COL6A6: variants seen among roughly 807,000 people sequenced by gnomAD.
The protein encoded by COL6A6 is collagen alpha-6(VI) chain.
COL6A6 carries 183 observed loss-of-function variants against 208.6 expected under a neutral mutation model. The observed-to-expected ratio is 0.88, with a 90% confidence interval of 0.78 to 0.99. COL6A6 has a LOEUF of 0.99. Among genes scored for constraint, COL6A6 ranks in the 50% least tolerant of loss-of-function variants. The probability of loss-of-function intolerance (pLI) is 0.00; values close to 1 mark genes in which losing one functional copy is unlikely to be tolerated. For missense variants in COL6A6, 2,816 were observed against 2,815.2 expected (o/e 1.00, Z -0.01); for synonymous variants, 973 against 1,011.8 (o/e 0.96, Z 0.73).
In COL6A6 at chr3:130,676,579, A is replaced by T. The variant is rs1202095753; in HGVS notation, c.*1182A>T. On this transcript the variant is annotated 3_prime_UTR_variant, in exon 37 of 37. Coordinates refer to ENST00000358511, the MANE Select transcript of COL6A6 (RefSeq NM_001102608.3). ...GTCCCCCTCTTTGGGAATGGAAAGA[A>T]GCCCTGCCTGGATGCATGGAGCAGA... is the stretch of plus-strand genomic sequence containing the variant. 2 of 152,262 alleles carry T rather than the reference A, an allele frequency of 1.3e-5. No homozygotes were observed. Among genetic ancestry groups the T allele is most frequent in the East Asian group, 3.8e-4 (2 of 5,202 alleles). The allele number at this position is 152,262 out of a possible 1,614,324, so 9.4% of individuals were successfully genotyped here.
intron 1 of COL6A6, among the ~76,000 whole-genome samples, chr3:130,523,455 T>C (rs1559945361): frequency 1.3e-5 from 2 of 152,152 alleles, no homozygotes; most frequent in Non-Finnish European, 2.9e-5. Context: ...TGAAATCAGG[T>C]TCCTTACTAG....
At chr3:130,656,146 CCTCTCCT>C (rs955023782) in intron 33 of COL6A6, among the ~76,000 whole-genome samples, 3 of 152,338 alleles carry the variant, frequency 2.0e-5, no homozygotes, top group African/African-American at 4.8e-5. Context: ...TCTTCTCTCT[CCTCTCCT>C]CTCTCCTCAC....
intron 36 of COL6A6, among the ~76,000 whole-genome samples, chr3:130,673,013 A>T (rs2066259355): frequency 6.8e-6 from 1 of 146,382 alleles, no homozygotes; most frequent in South Asian, 2.2e-4. Flanking sequence ...ACCATCTCAA[A>T]AAAAAAAAAA....
rs2063430025 is a variant in COL6A6, at chr3:130,581,827, GGACCAT to G, written c.3815_3820del (p.Gly1272_Ser1274delinsAla). The G allele has an allele frequency of 1.2e-6, 2 of 1,613,354 alleles. No homozygotes were observed. The highest frequency in any genetic ancestry group is 2.7e-5 in the African/African-American group (2 of 74,926). On this transcript the variant is annotated inframe_deletion, in exon 9 of 37. Transcript: ENST00000358511. ...TAGCTTGAAGGATATAACAGTTAAA[GGACCAT>G]CTCTTCTCAATGCAAACCTCTTGGA...
intron 2 of COL6A6, 94 bp downstream of exon 2, chr3:130,560,522 CTTTGT>C: frequency 8.9e-7 from 1 of 1,129,886 alleles, no homozygotes. Context: ...TTTTGTATCA[CTTTGT>C]TTTGATTTTG....
chr3:130,526,662 G>A (rs2061968151), intron 1 of COL6A6, among the ~76,000 whole-genome samples: 1 of 152,128 alleles, frequency 6.6e-6, no homozygotes, highest in Non-Finnish European at 1.5e-5. Context: ...AACATGTTTT[G>A]AAGTACTATT....
intron 36 of COL6A6, among the ~76,000 whole-genome samples, chr3:130,673,497 G>A (rs1055117204): frequency 3.9e-5 from 6 of 152,028 alleles, no homozygotes; most frequent in African/African-American, 1.4e-4. Context: ...GTAGGGGGAC[G>A]CAGCGTGAAG....
chr3:130,557,479 A>T (rs2062792520), intron 1 of COL6A6, among the ~76,000 whole-genome samples: 1 of 152,348 alleles, frequency 6.6e-6, no homozygotes, highest in Non-Finnish European at 1.5e-5. Context: ...AATGGCTTGC[A>T]GAAAGGAAAT....
rs2064753503 is a variant in COL6A6, at chr3:130,622,394, A to G, written c.4878+511A>G. ...CTGGCATGTAATATGTGATTAGTAA[A>G]TATTGAATAAATGAATCTGTGGGTG... On this transcript the variant is annotated intron_variant, in intron 24 of 36. Coordinates refer to ENST00000358511, the MANE Select transcript of COL6A6 (RefSeq NM_001102608.3). Among the ~76,000 whole-genome samples, 4 of 152,154 alleles carry G rather than the reference A, an allele frequency of 2.6e-5. No individual in the cohort carries two copies. The South Asian group carries it at 8.3e-4, about 32-fold the overall frequency.
chr3:130,533,078 C>G (rs753363658), intron 1 of COL6A6, among the ~76,000 whole-genome samples: 3 of 152,080 alleles, frequency 2.0e-5, no homozygotes, highest in Non-Finnish European at 2.9e-5. Flanking sequence ...CTGCCACATT[C>G]TACTGATCAA....
chr3:130,521,669 T>A (rs1446728063), intron 1 of COL6A6, among the ~76,000 whole-genome samples: 1 of 152,228 alleles, frequency 6.6e-6, no homozygotes, highest in Non-Finnish European at 1.5e-5. Flanking sequence ...CTTCAAGCAC[T>A]GTGACTCTGT....
At position 130,570,915 on chromosome 3, in the gene COL6A6, T is replaced by A; in HGVS notation, c.2499T>A (p.Ile833=). 6.2e-7 allele frequency: 1 copy of A among 1,613,994 alleles called. No homozygotes were observed. The highest frequency in any genetic ancestry group is 8.5e-7 in the Non-Finnish European group (1 of 1,179,848). Residue 833 remains isoleucine (I), a synonymous_variant, in exon 7 of 37, where the codon ATT becomes ATA. Coordinates refer to ENST00000358511, the MANE Select transcript of COL6A6 (RefSeq NM_001102608.3). Reference sequence around the variant, plus strand: ...ATAATATCATGAAGGATTTTATGATTGGCTTAGTGAAAAAAGCTGATGTGG... The same window carrying A: ...ATAATATCATGAAGGATTTTATGATAGGCTTAGTGAAAAAAGCTGATGTGG... The part of the protein sequence containing the change: ...DEYNIMKDFM[I]GLVKKADVGK...
chr3:130,621,193 G>GT (rs1391302360), intron 23 of COL6A6, among the ~76,000 whole-genome samples: 6 of 151,866 alleles, frequency 4.0e-5, no homozygotes, highest in Non-Finnish European at 7.4e-5. Context: ...CTTTCTTTAG[G>GT]TTTTGCATCT....
At chr3:130,599,879 T>G in intron 20 of COL6A6, 69 bp downstream of exon 20, 2 of 1,454,150 alleles carry the variant, frequency 1.4e-6, no homozygotes, top group Non-Finnish European at 1.9e-6. Flanking sequence ...ATGGCTGACT[T>G]TGGGGGAGTG....
chr3:130,588,322 G>A (rs1276023408), intron 11 of COL6A6, among the ~76,000 whole-genome samples: 2 of 152,216 alleles, frequency 1.3e-5, no homozygotes, highest in Non-Finnish European at 2.9e-5. Flanking sequence ...CTAAAGTGAA[G>A]TATAACATTT....
At chr3:130,596,440 C>G (rs2063852885) in intron 18 of COL6A6, among the ~76,000 whole-genome samples, 2 of 152,110 alleles carry the variant, frequency 1.3e-5, no homozygotes, top group African/African-American at 4.8e-5. Flanking sequence ...AAAGAGCTTT[C>G]TATTTTAAAA....
chr3:130,548,779 A>T (rs145424835), intron 1 of COL6A6, among the ~76,000 whole-genome samples: 1 of 152,318 alleles, frequency 6.6e-6, no homozygotes, highest in East Asian at 1.9e-4. Context: ...ATTGCAGTTC[A>T]GGTTTTCCTA....
chr3:130,604,353 G>A (rs915231733), intron 20 of COL6A6, among the ~76,000 whole-genome samples: 1 of 152,142 alleles, frequency 6.6e-6, no homozygotes, highest in Non-Finnish European at 1.5e-5. Context: ...AAATTAGCCG[G>A]GCGTGGTGGC....
At position 130,619,186 on chromosome 3, in the gene COL6A6, G is replaced by A. The variant is rs540705079; in HGVS notation, c.4816-2635G>A. Among the ~76,000 whole-genome samples, 12 of 152,274 alleles carry A rather than the reference G, an allele frequency of 7.9e-5. No homozygotes were observed. The East Asian group carries it at 2.1e-3, about 27-fold the overall frequency. On this transcript the variant is annotated intron_variant, in intron 23 of 36. Coordinates refer to ENST00000358511, the MANE Select transcript of COL6A6 (RefSeq NM_001102608.3). ...ATACAGTCTAGTCTCTAAGGAATGA[G>A]AAAGAGAAATACACTAACAATTACT...
Sources: allele counts gnomAD v4.1 joint callset (sites outside exome capture counted in the v4.1 genomes callset), GRCh38; gene constraint gnomAD v4.1.1; transcripts MANE v1.5; gene names NCBI Gene and HGNC (gene_info 2026-07-23, HGNC 2026-07-21).